GABRG3: variants seen among roughly 807,000 people sequenced by gnomAD.
GABRG3 encodes the protein gamma-aminobutyric acid type A receptor subunit gamma3, also known as gamma-aminobutyric acid receptor subunit gamma-3.
Under a neutral mutation model 48.8 loss-of-function variants are expected in GABRG3, and 25 were observed. The ratio of observed to expected loss-of-function variants is 0.51; its 90% CI spans 0.37 to 0.72. The LOEUF is 0.72. Among genes scored for constraint, GABRG3 ranks in the 30% least tolerant of loss-of-function variants. The pLI is 0.00. For synonymous variants in GABRG3, 227 were observed against 217.6 expected (o/e 1.04, Z -0.38); for missense variants, 394 against 577.9 (o/e 0.68, Z 3.26).
At chr15:27,034,657 C>T (rs959323847) in intron 3 of GABRG3, among the ~76,000 whole-genome samples, 3 of 152,260 alleles carry the variant, frequency 2.0e-5, no homozygotes, top group Admixed American at 6.5e-5. Flanking sequence ...TGAGATCCAT[C>T]GAGTCTTGTG....
intron 5 of GABRG3, among the ~76,000 whole-genome samples, chr15:27,405,976 A>G (rs1887622120): frequency 6.6e-6 from 1 of 152,142 alleles, no homozygotes; most frequent in South Asian, 2.1e-4. Flanking sequence ...GGAGCTCCCA[A>G]TGGCCAAACA....
chr15:27,083,307 G>T (rs1897021239), intron 3 of GABRG3, among the ~76,000 whole-genome samples: 1 of 151,480 alleles, frequency 6.6e-6, no homozygotes, highest in Non-Finnish European at 1.5e-5. Flanking sequence ...GAACCGACAA[G>T]TGGTAAAATT....
intron 3 of GABRG3, among the ~76,000 whole-genome samples, chr15:27,075,058 A>G (rs1320169786): frequency 2.0e-5 from 3 of 152,206 alleles, no homozygotes; most frequent in African/African-American, 4.8e-5. Context: ...ATAAAACCCA[A>G]TCAACTTCAA....
At chr15:27,526,045 A>T (rs1891269646) in intron 7 of GABRG3, among the ~76,000 whole-genome samples, 1 of 152,216 alleles carries the variant, frequency 6.6e-6, no homozygotes, top group South Asian at 2.1e-4. Flanking sequence ...TAGCGTTTTT[A>T]CATGAAATTT....
chr15:27,336,932 A>G (rs1304828227), intron 5 of GABRG3, among the ~76,000 whole-genome samples: 1 of 152,240 alleles, frequency 6.6e-6, no homozygotes, highest in Non-Finnish European at 1.5e-5. Flanking sequence ...GTGGGATCCC[A>G]TTTATATAAC....
chr15:27,186,206 A>G (rs967387538), intron 3 of GABRG3, among the ~76,000 whole-genome samples: 1 of 151,996 alleles, frequency 6.6e-6, no homozygotes, highest in African/African-American at 2.4e-5. Flanking sequence ...CCCAGGGTCT[A>G]TTGACCCCAT....
At chr15:27,009,102 G>A (rs7169356) in intron 2 of GABRG3, among the ~76,000 whole-genome samples, 73,947 of 151,872 alleles carry the variant, frequency 0.49, 18,730 homozygotes, top group Middle Eastern at 0.61. Context: ...AAGACACTGC[G>A]TCCCCAGCTC....
intron 3 of GABRG3, among the ~76,000 whole-genome samples, chr15:27,240,863 G>A (rs1890109895): frequency 6.6e-6 from 1 of 152,154 alleles, no homozygotes; most frequent in Non-Finnish European, 1.5e-5. Context: ...GTGTCCCCAG[G>A]ATCATGATGT....
intron 3 of GABRG3, among the ~76,000 whole-genome samples, chr15:27,249,762 C>A (rs1383543763): frequency 6.6e-6 from 1 of 152,168 alleles, no homozygotes; most frequent in Non-Finnish European, 1.5e-5. Context: ...ACCCAAGCTG[C>A]AAAACCTTTT....
At position 27,538,544 on chromosome 15, in the gene GABRG3, A is replaced by G. The variant is rs1029092596; in HGVS notation, c.*5663A>G. 1 of 152,208 alleles carries G rather than the reference A, an allele frequency of 6.6e-6. No individual in the cohort carries two copies. Among genetic ancestry groups the G allele is most frequent in the Non-Finnish European group, 1.5e-5 (1 of 68,032 alleles). The allele number at this position is 152,208 out of a possible 1,614,324, so 9.4% of individuals were successfully genotyped here. On this transcript the variant is annotated 3_prime_UTR_variant, in exon 10 of 10. Coordinates refer to ENST00000615808, the MANE Select transcript of GABRG3 (RefSeq NM_033223.5). ...TCACTTTTCACATTTGTAAACACAC[A>G]CAGGGTTTTTCCAGCCCAGTGAGCA...
At chr15:27,004,342 A>C (rs1172255787) in intron 2 of GABRG3, among the ~76,000 whole-genome samples, 1 of 146,770 alleles carries the variant, frequency 6.8e-6, no homozygotes, top group Non-Finnish European at 1.5e-5. Context: ...CCCACATCTC[A>C]GACAATGGGC....
intron 3 of GABRG3, among the ~76,000 whole-genome samples, chr15:27,257,241 T>A (rs1484250076): frequency 6.6e-6 from 1 of 152,234 alleles, no homozygotes; most frequent in Non-Finnish European, 1.5e-5. Flanking sequence ...TTTGTCCTTT[T>A]TAAAATCAGT....
intron 3 of GABRG3, among the ~76,000 whole-genome samples, chr15:27,308,700 A>T (rs551524976): frequency 1.3e-5 from 2 of 149,846 alleles, no homozygotes; most frequent in South Asian, 2.2e-4. Flanking sequence ...CATATAATGT[A>T]AACATACGTT....
chr15:26,981,761 T>C (rs998834797), intron 2 of GABRG3, among the ~76,000 whole-genome samples: 1 of 152,144 alleles, frequency 6.6e-6, no homozygotes, highest in African/African-American at 2.4e-5. Flanking sequence ...TTGCTTCTTC[T>C]CCTTCAGGAG....
intron 5 of GABRG3, among the ~76,000 whole-genome samples, chr15:27,470,540 T>A (rs1014121064): frequency 2.6e-5 from 4 of 151,792 alleles, no homozygotes; most frequent in African/African-American, 9.7e-5. Context: ...TTTTTTTTTT[T>A]ATTGGCTTAT....
At chr15:27,437,118 A>G (rs961926529) in intron 5 of GABRG3, among the ~76,000 whole-genome samples, 1 of 151,520 alleles carries the variant, frequency 6.6e-6, no homozygotes, top group Non-Finnish European at 1.5e-5. Context: ...GTTGGTTATC[A>G]CCAAGCATCT....
At chr15:27,355,380 C>A (rs573734933) in intron 5 of GABRG3, among the ~76,000 whole-genome samples, 1 of 152,146 alleles carries the variant, frequency 6.6e-6, no homozygotes, top group Non-Finnish European at 1.5e-5. Context: ...AGCAAAAATG[C>A]CCAGCACCAT....
At chr15:27,407,349 C>T (rs1234578670) in intron 5 of GABRG3, among the ~76,000 whole-genome samples, 2 of 152,192 alleles carry the variant, frequency 1.3e-5, no homozygotes, top group African/African-American at 4.8e-5. Context: ...CAGGAACTCT[C>T]ATGTATTGCT....
chr15:27,130,925 TA>T (rs1005411809), intron 3 of GABRG3, among the ~76,000 whole-genome samples: 43 of 152,130 alleles, frequency 2.8e-4, no homozygotes, highest in African/African-American at 8.9e-4. Flanking sequence ...TCTTTGTTAT[TA>T]TTTTTTTTGG....
Sources: gnomAD v4.1 joint callset for allele counts (sites outside exome capture counted in the v4.1 genomes callset) on GRCh38, gnomAD v4.1.1 for gene constraint, MANE v1.5 for transcripts, NCBI Gene and HGNC (gene_info 2026-07-23, HGNC 2026-07-21) for gene names.